The following GPC5 variants were observed in gnomAD, a reference collection of about 807,000 sequenced individuals.
GPC5 encodes glypican-5.
Under a neutral mutation model 53.9 loss-of-function variants are expected in GPC5, and 47 were observed. The observed-to-expected ratio is 0.87, with a 90% CI of 0.69 to 1.11. GPC5 has a LOEUF of 1.11. Ranked by LOEUF, GPC5 falls within the 50% of genes most tolerant of loss-of-function variation. GPC5 has a pLI of 0.00. For missense variants in GPC5, 748 were observed against 713.1 expected, an observed-to-expected ratio of 1.05 and a Z score of -0.56; for synonymous variants, 286 against 263.3, an observed-to-expected ratio of 1.09 and a Z score of -0.84.
chr13:92,608,692 G>C (rs1184345455), intron 7 of GPC5, among the ~76,000 whole-genome samples: 1 of 152,116 alleles, frequency 6.6e-6, no homozygotes, highest in Non-Finnish European at 1.5e-5. Flanking sequence ...ATACATGTTT[G>C]CATGTGCGGA....
intron 7 of GPC5, among the ~76,000 whole-genome samples, chr13:92,473,406 T>C (rs1226803571): frequency 6.6e-6 from 1 of 152,140 alleles, no homozygotes; most frequent in Non-Finnish European, 1.5e-5. Flanking sequence ...GACTAAGTAC[T>C]TATGGCATGG....
intron 2 of GPC5, among the ~76,000 whole-genome samples, chr13:91,490,248 A>G (rs1434685165): frequency 6.6e-6 from 1 of 152,182 alleles, no homozygotes; most frequent in East Asian, 1.9e-4. Flanking sequence ...AATTTGAGTG[A>G]GATACAGCAG....
At chr13:92,583,899 T>G (rs368111168) in intron 7 of GPC5, among the ~76,000 whole-genome samples, 5 of 151,910 alleles carry the variant, frequency 3.3e-5, no homozygotes, top group African/African-American at 1.2e-4. Context: ...AAGGGGGAGT[T>G]TCCCTGCACA....
In GPC5 at chr13:92,381,868, TC is replaced by T. The variant is rs1391893978; in HGVS notation, c.1561+236880del. Among the ~76,000 whole-genome samples, 3 of 123,242 alleles carry T rather than the reference TC, an allele frequency of 2.4e-5. No homozygotes were observed. In the South Asian group the frequency reaches 7.3e-4, roughly 30 times the overall value. 80.9% of individuals were successfully genotyped at this position (123,242 alleles called of 152,430 possible). A position where few individuals can be genotyped will look rare whatever the true frequency, so the allele number is the denominator to read the frequency against. Reference sequence around the variant, plus strand: ...ATATGATCATATATGATTATATATATCATATATATGATTATATATATTATAT... The same window carrying T: ...ATATGATCATATATGATTATATATATATATATATGATTATATATATTATAT... On this transcript the variant is annotated intron_variant, in intron 7 of 7. Coordinates refer to ENST00000377067, the MANE Select transcript of GPC5 (RefSeq NM_004466.6).
At chr13:92,760,042 C>G (rs1875097480) in intron 7 of GPC5, among the ~76,000 whole-genome samples, 1 of 152,032 alleles carries the variant, frequency 6.6e-6, no homozygotes, top group Non-Finnish European at 1.5e-5. Flanking sequence ...TTAAATCTGT[C>G]TTGCATACCA....
chr13:91,533,321 T>C (rs879911731), intron 2 of GPC5, among the ~76,000 whole-genome samples: 18 of 152,230 alleles, frequency 1.2e-4, no homozygotes, highest in African/African-American at 3.4e-4. Flanking sequence ...GTTATAATCA[T>C]TGGGCTTGAG....
chr13:91,681,711 A>G (rs892240134), intron 2 of GPC5, among the ~76,000 whole-genome samples: 2 of 152,154 alleles, frequency 1.3e-5, no homozygotes, highest in Non-Finnish European at 2.9e-5. Flanking sequence ...TTTCTTTCCC[A>G]GAGATTAGGA....
intron 6 of GPC5, among the ~76,000 whole-genome samples, chr13:92,081,607 T>G (rs1275142988): frequency 1.3e-5 from 2 of 152,190 alleles, no homozygotes; most frequent in African/African-American, 2.4e-5. Flanking sequence ...TCTTCTACAC[T>G]TCCATGCTCT....
chr13:92,207,743 C>T (rs2042347748), intron 7 of GPC5, among the ~76,000 whole-genome samples: 3 of 152,304 alleles, frequency 2.0e-5, no homozygotes, highest in South Asian at 4.1e-4. Flanking sequence ...TATCTGTCTA[C>T]TCATTCTTAG....
intron 1 of GPC5, among the ~76,000 whole-genome samples, chr13:91,428,464 C>T (rs1340869608): frequency 6.6e-6 from 1 of 152,180 alleles, no homozygotes; most frequent in Non-Finnish European, 1.5e-5. Context: ...GGAACTGAGG[C>T]TTGGTCTTGG....
At chr13:91,884,420 TA>T (rs2039301270) in intron 5 of GPC5, among the ~76,000 whole-genome samples, 1 of 152,160 alleles carries the variant, frequency 6.6e-6, no homozygotes, top group African/African-American at 2.4e-5. Context: ...TATGCAGCCA[TA>T]AAAAGTGAGA....
At chr13:92,119,475 T>A (rs568822358) in intron 6 of GPC5, among the ~76,000 whole-genome samples, 2 of 135,658 alleles carry the variant, frequency 1.5e-5, no homozygotes, top group Non-Finnish European at 3.1e-5. Flanking sequence ...CTCGGCTCAC[T>A]GCAGGCTCCG....
At chr13:92,083,751 T>C (rs1170277833) in intron 6 of GPC5, among the ~76,000 whole-genome samples, 2 of 152,200 alleles carry the variant, frequency 1.3e-5, no homozygotes, top group Admixed American at 1.3e-4. Context: ...CTTTTAGGAA[T>C]TGCCACACTG....
rs369554099 is a variant in GPC5 at position 91,482,347 on chromosome 13, A to G, written c.325+33425A>G. Among the ~76,000 whole-genome samples, 3 of 152,242 alleles carry G rather than the reference A, an allele frequency of 2.0e-5. No homozygotes were observed. In the East Asian group the frequency reaches 5.8e-4, roughly 29 times the overall value. The stretch of plus-strand genomic sequence containing the variant: ...CTCAGCCCTTTCCGGGCACCAACCT[A>G]CCAGTGCCTTGATCATGGACTTCCC... On this transcript the variant is annotated intron_variant, in intron 2 of 7. Coordinates refer to ENST00000377067, the MANE Select transcript of GPC5 (RefSeq NM_004466.6).
chr13:92,443,104 T>C (rs1877643185), intron 7 of GPC5, among the ~76,000 whole-genome samples: 1 of 152,066 alleles, frequency 6.6e-6, no homozygotes, highest in Admixed American at 6.6e-5. Flanking sequence ...AAGAAGCTTA[T>C]AATCATGATG....
intron 7 of GPC5, among the ~76,000 whole-genome samples, chr13:92,255,033 TA>T (rs1260681609): frequency 6.6e-5 from 10 of 152,194 alleles, no homozygotes; most frequent in Non-Finnish European, 1.5e-5. Context: ...AACTACTTTT[TA>T]TATAACATAT....
chr13:92,738,038 A>G (rs1268937315), intron 7 of GPC5, among the ~76,000 whole-genome samples: 2 of 151,982 alleles, frequency 1.3e-5, no homozygotes, highest in African/African-American at 2.4e-5. Flanking sequence ...TGCTGGGATT[A>G]CAGGCATGAG....
At chr13:91,446,344 G>A (rs573393733) in intron 1 of GPC5, among the ~76,000 whole-genome samples, 16 of 152,230 alleles carry the variant, frequency 1.1e-4, no homozygotes, top group East Asian at 5.8e-4. Context: ...CCACAATTCT[G>A]GTTGAAGTCT....
chr13:91,411,938 T>A (rs1877823694), intron 1 of GPC5, among the ~76,000 whole-genome samples: 1 of 152,210 alleles, frequency 6.6e-6, no homozygotes, highest in Admixed American at 6.5e-5. Flanking sequence ...TTTTTAGAAG[T>A]TCTAGTCAAT....
Sources: gnomAD v4.1 joint callset for allele counts (sites outside exome capture counted in the v4.1 genomes callset) on GRCh38, gnomAD v4.1.1 for gene constraint, MANE v1.5 for transcripts, NCBI Gene and HGNC (gene_info 2026-07-23, HGNC 2026-07-21) for gene names.